The following PANK1 variants were observed in gnomAD, a reference collection of about 807,000 sequenced individuals.
The protein encoded by PANK1 is pantothenic acid kinase 1.
In PANK1, 18 loss-of-function variants were observed where a neutral mutation model predicts 40.1. The ratio of observed to expected loss-of-function variants is 0.45; its 90% CI spans 0.31 to 0.67. The LOEUF is 0.67. Among genes scored for constraint, PANK1 ranks in the 30% least tolerant of loss-of-function variants. The pLI, the probability that PANK1 is intolerant of heterozygous loss-of-function variation, is 0.06. For missense variants in PANK1, 457 were observed against 599.6 expected (o/e 0.76, Z 2.48); for synonymous variants, 242 against 237.7 (o/e 1.02, Z -0.17).
intron 1 of PANK1, among the ~76,000 whole-genome samples, chr10:89,634,462 G>A (rs1449462817): frequency 1.3e-5 from 2 of 152,116 alleles, no homozygotes; most frequent in African/African-American, 2.4e-5. Context: ...GGTGCTGAAG[G>A]CAAGCACCTG....
chr10:89,592,065 T>C (rs180921372), intron 5 of PANK1, among the ~76,000 whole-genome samples: 72 of 152,358 alleles, frequency 4.7e-4, no homozygotes, highest in Middle Eastern at 6.8e-3. Flanking sequence ...AAATAAACTC[T>C]GTTACATTGA....
intron 2 of PANK1, among the ~76,000 whole-genome samples, chr10:89,600,827 T>A (rs932610593): frequency 3.3e-5 from 5 of 152,238 alleles, no homozygotes; most frequent in African/African-American, 1.2e-4. Flanking sequence ...AACATGAAAC[T>A]GAACAAATGA....
At chr10:89,601,309 T>TAA (rs11317815) in intron 2 of PANK1, among the ~76,000 whole-genome samples, 1,944 of 52,666 alleles carry the variant, frequency 0.037, 117 homozygotes, top group African/African-American at 0.055. Flanking sequence ...ACCCATCTCT[T>TAA]AAAAAAAAAA....
chr10:89,586,899 G>A (rs1844212103), intron 6 of PANK1, among the ~76,000 whole-genome samples: 1 of 152,144 alleles, frequency 6.6e-6, no homozygotes, highest in Non-Finnish European at 1.5e-5. Flanking sequence ...GGCTGAGGCG[G>A]GTGGATTACC....
intron 1 of PANK1, among the ~76,000 whole-genome samples, chr10:89,631,497 A>T (rs1247382742): frequency 6.6e-6 from 1 of 152,166 alleles, no homozygotes; most frequent in Non-Finnish European, 1.5e-5. Context: ...CCTATACCCT[A>T]ATTGTCTTCA....
At chr10:89,613,970 G>A (rs1185150000) in intron 1 of PANK1, 2 of 456,460 alleles carry the variant, frequency 4.4e-6, no homozygotes, top group East Asian at 1.4e-4. Context: ...AAAAGGAATG[G>A]GTTGCATTAA....
At chr10:89,623,224 T>C (rs886646877) in intron 1 of PANK1, among the ~76,000 whole-genome samples, 32 of 151,978 alleles carry the variant, frequency 2.1e-4, no homozygotes. Context: ...TTTTGTTTTG[T>C]TTTGTTTTTG....
rs1842069817 is a variant in PANK1 at position 89,644,911 on chromosome 10, G to C, written c.-20C>G. On this transcript the variant is annotated 5_prime_UTR_variant, in exon 1 of 7. Transcript: ENST00000307534. The stretch of plus-strand genomic sequence containing the variant: ...GCCCATGCCGGGGGCTGGCGGGGCT[G>C]TGCGCGGGCCCCGGCTCAGGCGGCC... 2.0e-6 allele frequency: 3 copies of C among 1,536,792 alleles called. No homozygotes were observed. The highest frequency in any genetic ancestry group is 2.9e-5 in the African/African-American group (2 of 69,724).
intron 1 of PANK1, among the ~76,000 whole-genome samples, chr10:89,644,252 G>C (rs934895264): frequency 2.0e-5 from 3 of 152,144 alleles, no homozygotes; most frequent in African/African-American, 7.2e-5. Flanking sequence ...CCTCACTCCT[G>C]GACCCCAGCA....
intron 1 of PANK1, among the ~76,000 whole-genome samples, chr10:89,622,012 C>T (rs1354699053): frequency 1.3e-5 from 2 of 152,226 alleles, no homozygotes; most frequent in Non-Finnish European, 2.9e-5. Context: ...CTGCATCTGG[C>T]CCATTTACTA....
At chr10:89,608,392 GA>G (rs1320871572) in intron 2 of PANK1, among the ~76,000 whole-genome samples, 2 of 151,892 alleles carry the variant, frequency 1.3e-5, no homozygotes, top group Non-Finnish European at 2.9e-5. Flanking sequence ...ATGGTGGGAA[GA>G]AAAAAAGAAG....
downstream of PANK1, chr10:89,579,921 A>T (rs998713651): frequency 2.6e-5 from 4 of 152,244 alleles, no homozygotes; most frequent in Non-Finnish European, 5.9e-5. Context: ...GATATTTATT[A>T]AAAATTAAAC....
intron 2 of PANK1, among the ~76,000 whole-genome samples, chr10:89,607,114 T>G (rs1024819675): frequency 6.6e-6 from 1 of 152,264 alleles, no homozygotes; most frequent in African/African-American, 2.4e-5. Flanking sequence ...TGTCTCGGTT[T>G]TCACCATGCC....
At chr10:89,619,001 G>A (rs11185803) in intron 1 of PANK1, among the ~76,000 whole-genome samples, 48,370 of 151,990 alleles carry the variant, frequency 0.32, 7,825 homozygotes, top group Non-Finnish European at 0.35. Context: ...AAAATCCTTC[G>A]CGGTTTTTAA....
chr10:89,590,654 G>C (rs1186772296), intron 5 of PANK1, among the ~76,000 whole-genome samples: 1 of 152,020 alleles, frequency 6.6e-6, no homozygotes, highest in African/African-American at 2.4e-5. Context: ...AATAGTAAAA[G>C]ACTGGAAAAA....
intron 1 of PANK1, among the ~76,000 whole-genome samples, chr10:89,623,068 C>T (rs921199986): frequency 3.3e-5 from 5 of 151,936 alleles, no homozygotes; most frequent in African/African-American, 4.8e-5. Context: ...ACATTTCAGG[C>T]GGTTATAATT....
intron 1 of PANK1, among the ~76,000 whole-genome samples, chr10:89,616,671 C>T (rs1402243618): frequency 6.6e-6 from 1 of 151,982 alleles, no homozygotes; most frequent in Non-Finnish European, 1.5e-5. Flanking sequence ...GCCTGTAATC[C>T]CAGCACTTTG....
At chr10:89,599,818 G>A (rs968494719) in intron 2 of PANK1, among the ~76,000 whole-genome samples, 1 of 152,184 alleles carries the variant, frequency 6.6e-6, no homozygotes, top group East Asian at 1.9e-4. Flanking sequence ...CTGAGCACTT[G>A]TGAATGTGAC....
chr10:89,607,839 T>G (rs1465610737), intron 2 of PANK1, among the ~76,000 whole-genome samples: 1 of 122,940 alleles, frequency 8.1e-6, no homozygotes, highest in East Asian at 2.4e-4. Flanking sequence ...AGAGCCTTGG[T>G]GCACAGCCAT....
Sources: gnomAD v4.1 joint callset for allele counts (sites outside exome capture counted in the v4.1 genomes callset) on GRCh38, gnomAD v4.1.1 for gene constraint, MANE v1.5 for transcripts, NCBI Gene and HGNC (gene_info 2026-07-23, HGNC 2026-07-21) for gene names.